The following PI4KB variants were observed in gnomAD, a reference collection of about 807,000 sequenced individuals.
The protein encoded by PI4KB is PtdIns 4-kinase beta.
PI4KB carries 23 observed loss-of-function variants against 81.4 expected under a neutral mutation model. That is an observed-to-expected ratio of 0.28 (90% CI 0.20 to 0.40). The LOEUF (loss-of-function observed/expected upper bound fraction) is 0.40. Among genes scored for constraint, PI4KB ranks in the 10% least tolerant of loss-of-function variants. PI4KB has a pLI of 1.00. For missense variants in PI4KB, 651 were observed against 1,036.6 expected (o/e 0.63, Z 5.11); for synonymous variants, 381 against 406.8 (o/e 0.94, Z 0.76).
At position 151,292,657 on chromosome 1, in the gene PI4KB, CT is replaced by C; in HGVS notation, c.*194del. The C allele has an allele frequency of 1.7e-6, 1 of 594,966 alleles. No homozygotes were observed. 36.9% of individuals were successfully genotyped at this position (594,966 alleles called of 1,614,324 possible). A position where few individuals can be genotyped will look rare whatever the true frequency, so the allele number is the denominator to read the frequency against. ...GAGGGGCAGGGAAGCCCCAACAAGT[CT>C]GGACCCCACAGCTGGCTCTCCCACC... On this transcript the variant is annotated 3_prime_UTR_variant, in exon 12 of 12. Coordinates refer to ENST00000368873, the MANE Select transcript of PI4KB (RefSeq NM_001369623.2).
intron 7 of PI4KB, 48 bp downstream of exon 7, chr1:151,302,146 A>G: frequency 7.1e-6 from 11 of 1,544,864 alleles, no homozygotes; most frequent in South Asian, 1.1e-5. Context: ...AGCACTTACA[A>G]CTGCCTCTGA....
Position 151,316,010 on chromosome 1 carries a change from C to T in PI4KB, c.472G>A (p.Ala158Thr), listed in dbSNP as rs1647880039. Residue 158 changes from alanine (A) to threonine (T), a missense_variant, in exon 2 of 12, where the codon GCC becomes ACC. Transcript: ENST00000368873. ...LYNSKEPGVQ[A>T]YIGNRLFCFR... ...CAGAAGAGCCGGTTGCCAATGTAGG[C>T]TTGTACTCCAGGCTCCTTGGAGTTA... 6.2e-7 allele frequency: 1 copy of T among 1,613,920 alleles called. No individual in the cohort carries two copies. Among genetic ancestry groups the T allele is most frequent in the African/African-American group, 1.3e-5 (1 of 74,934 alleles).
chr1:151,321,725 T>G (rs1419794096), intron 1 of PI4KB, among the ~76,000 whole-genome samples: 1 of 150,396 alleles, frequency 6.6e-6, no homozygotes, highest in Non-Finnish European at 1.5e-5. Context: ...TACAAAAAAT[T>G]AGCCGGGCAT....
chr1:151,294,626 T>G, intron 9 of PI4KB, 85 bp from the exon 10 acceptor site: 1 of 1,327,066 alleles, frequency 7.5e-7, no homozygotes, highest in Non-Finnish European at 1.1e-6. Flanking sequence ...ACTGGCCACA[T>G]GACACCAGGG....
chr1:151,294,183 G>A (rs756557226), intron 10 of PI4KB, 45 bp from the exon 11 acceptor site: 27 of 1,588,552 alleles, frequency 1.7e-5, no homozygotes, highest in South Asian at 5.8e-5. Context: ...GTCTTACACC[G>A]GGGATGGTCC....
At chr1:151,294,939 T>TA (rs1467705199) in intron 9 of PI4KB, among the ~76,000 whole-genome samples, 1 of 152,216 alleles carries the variant, frequency 6.6e-6, no homozygotes, top group Non-Finnish European at 1.5e-5. Context: ...GGGGAGGCTC[T>TA]ATTCTGAGCC....
chr1:151,326,443 C>A (rs1352164955), intron 1 of PI4KB: 4 of 435,936 alleles, frequency 9.2e-6, no homozygotes, highest in African/African-American at 2.1e-5. Context: ...AAAAACAGAA[C>A]AAATGTCACA....
At chr1:151,326,159 C>G in intron 1 of PI4KB, 1 of 1,613,058 alleles carries the variant, frequency 6.2e-7, no homozygotes, top group Non-Finnish European at 8.5e-7. Flanking sequence ...TAATCTGAAA[C>G]AAGTTTTCTC....
chr1:151,307,497 G>T, intron 4 of PI4KB, 77 bp downstream of exon 4: 1 of 884,608 alleles, frequency 1.1e-6, no homozygotes, highest in Non-Finnish European at 1.8e-6. Context: ...GGCCTCACTG[G>T]TCATACACGC....
intron 1 of PI4KB, 54 bp downstream of exon 1, chr1:151,327,215 GAC>G: frequency 2.0e-5 from 1 of 49,688 alleles, no homozygotes; most frequent in East Asian, 3.6e-4. Flanking sequence ...GTGGGAGAGG[GAC>G]CCCCCCCCCC....
chr1:151,293,913 C>G, intron 11 of PI4KB, 105 bp downstream of exon 11: 1 of 1,281,898 alleles, frequency 7.8e-7, no homozygotes, highest in East Asian at 2.4e-5. Context: ...TGGGAACCCC[C>G]CTCCCTCAAC....
chr1:151,316,466 C>T lies in PI4KB; in HGVS notation c.16G>A (p.Val6Met). The T allele has an allele frequency of 6.5e-7, 1 of 1,535,764 alleles. No individual in the cohort carries two copies. Among genetic ancestry groups the T allele is most frequent in the Non-Finnish European group, 8.7e-7 (1 of 1,144,428 alleles). Residue 6 changes from valine to methionine, a missense_variant, in exon 2 of 12, where the codon GTG (valine) becomes ATG (methionine). Physicochemically the swap from Val to Met is conservative, Grantham distance 21 (BLOSUM62 1). This residue lies in a region of PI4KB where 314 missense variants were observed against 397.8 expected (regional missense o/e 0.79). Coordinates refer to ENST00000368873, the MANE Select transcript of PI4KB (RefSeq NM_001369623.2). Reference protein sequence around the residue: MGDTVVEPAPLKPTSE... With the variant: MGDTVMEPAPLKPTSE... ...GTTGGCTTCAAGGGGGCAGGCTCCA[C>T]TACTGTATCTCCCATGGCCACAGCC...
chr1:151,301,997 G>A (rs1478588202), intron 7 of PI4KB, 30 bp from the exon 8 acceptor site: 4 of 1,612,622 alleles, frequency 2.5e-6, no homozygotes, highest in Non-Finnish European at 3.4e-6. Context: ...GGGTGTCAAA[G>A]GTTGATGCCA....
chr1:151,311,894 A>G (rs1266913890), intron 2 of PI4KB, among the ~76,000 whole-genome samples: 1 of 152,234 alleles, frequency 6.6e-6, no homozygotes, highest in African/African-American at 2.4e-5. Context: ...TGCAGTCCTG[A>G]AAAGACAAAG....
At chr1:151,322,232 T>C (rs1648957136) in intron 1 of PI4KB, among the ~76,000 whole-genome samples, 2 of 152,060 alleles carry the variant, frequency 1.3e-5, no homozygotes, top group Non-Finnish European at 2.9e-5. Flanking sequence ...CTGGGCAAAG[T>C]AGGGAATTCT....
At chr1:151,306,042 C>T in intron 5 of PI4KB, 94 bp downstream of exon 5, 1 of 1,014,666 alleles carries the variant, frequency 9.9e-7, no homozygotes, top group Non-Finnish European at 1.5e-6. Flanking sequence ...CTTGCCTTAC[C>T]CTGCCTTGGG....
chr1:151,325,580 C>T (rs1022753461), intron 1 of PI4KB, among the ~76,000 whole-genome samples: 1 of 152,076 alleles, frequency 6.6e-6, no homozygotes, highest in South Asian at 2.1e-4. Context: ...GGATCAAGTA[C>T]GTGAGGAACA....
chr1:151,301,400 T>A (rs1352301912), intron 8 of PI4KB, among the ~76,000 whole-genome samples: 5 of 152,012 alleles, frequency 3.3e-5, no homozygotes, highest in Non-Finnish European at 5.9e-5. Context: ...ATTTTTATTT[T>A]TATTTTTTTT....
intron 11 of PI4KB, 38 bp from the exon 12 acceptor site, chr1:151,293,071 C>G: frequency 6.2e-7 from 1 of 1,605,680 alleles, no homozygotes; most frequent in South Asian, 1.1e-5. Context: ...CATGGATGGA[C>G]GGGAGGGGCA....
Sources: allele counts gnomAD v4.1 joint callset (sites outside exome capture counted in the v4.1 genomes callset), GRCh38; gene constraint gnomAD v4.1.1; regional missense constraint gnomAD v4.1.1; transcripts MANE v1.5; gene names NCBI Gene and HGNC (gene_info 2026-07-23, HGNC 2026-07-21).